Variants in FOXN3 observed in about 807,000 individuals in gnomAD.
The protein encoded by FOXN3 is forkhead box N3, also known as forkhead box protein N3.
In FOXN3, 7 loss-of-function variants were observed where a neutral mutation model predicts 38.4. That is an observed-to-expected ratio of 0.18 (90% CI 0.10 to 0.34). The LOEUF (loss-of-function observed/expected upper bound fraction) is 0.34. Among genes scored for constraint, FOXN3 ranks in the 10% least tolerant of loss-of-function variants. The pLI is 1.00. For missense variants in FOXN3, 456 were observed against 613.4 expected (o/e 0.74, Z 2.71); for synonymous variants, 230 against 242.2 (o/e 0.95, Z 0.47).
At chr14:89,551,943 C>T (rs1348518411) in intron 1 of FOXN3, among the ~76,000 whole-genome samples, 3 of 152,134 alleles carry the variant, frequency 2.0e-5, no homozygotes, top group Admixed American at 6.5e-5. Context: ...CCCCCAAAAG[C>T]TGGGAACCCA....
At chr14:89,464,589 C>T (rs1892930233) in intron 1 of FOXN3, among the ~76,000 whole-genome samples, 1 of 152,152 alleles carries the variant, frequency 6.6e-6, no homozygotes, top group Non-Finnish European at 1.5e-5. Flanking sequence ...CCACCCAAAT[C>T]TCATCTTGAA....
intron 4 of FOXN3, among the ~76,000 whole-genome samples, chr14:89,208,187 C>T (rs1888434134): frequency 6.6e-6 from 1 of 152,190 alleles, no homozygotes; most frequent in South Asian, 2.1e-4. Context: ...CCTCTTGTGG[C>T]AGGCTGGCCT....
chr14:89,379,786 G>A (rs538610697), intron 2 of FOXN3, among the ~76,000 whole-genome samples: 12 of 151,814 alleles, frequency 7.9e-5, no homozygotes, highest in East Asian at 7.8e-4. Context: ...TCAGCCTCCC[G>A]AGTAGCTGGG....
At chr14:89,505,689 G>A (rs1484667149) in intron 1 of FOXN3, among the ~76,000 whole-genome samples, 1 of 152,120 alleles carries the variant, frequency 6.6e-6, no homozygotes, top group African/African-American at 2.4e-5. Flanking sequence ...CCTCTGCCCG[G>A]CCACCACCCC....
intron 2 of FOXN3, among the ~76,000 whole-genome samples, chr14:89,402,456 G>A (rs1017370926): frequency 1.3e-5 from 2 of 152,160 alleles, no homozygotes; most frequent in African/African-American, 2.4e-5. Flanking sequence ...CTAGACCTTT[G>A]TGACAGAAAG....
intron 3 of FOXN3, among the ~76,000 whole-genome samples, chr14:89,288,716 CTCTCTCTCTATATATATA>C (rs1886748624): frequency 2.4e-3 from 122 of 51,644 alleles, no homozygotes; most frequent in African/African-American, 5.0e-3. Flanking sequence ...CTCTCTCTCT[CTCTCTCTCTATATATATA>C]TATATATATA....
chr14:89,363,552 A>C (rs1300238454), intron 2 of FOXN3, among the ~76,000 whole-genome samples: 1 of 152,180 alleles, frequency 6.6e-6, no homozygotes, highest in Non-Finnish European at 1.5e-5. Flanking sequence ...CAATCTCTTC[A>C]TCTGTATATT....
At chr14:89,414,261 C>A (rs2140099206) in intron 1 of FOXN3, among the ~76,000 whole-genome samples, 1 of 151,998 alleles carries the variant, frequency 6.6e-6, no homozygotes, top group Admixed American at 6.6e-5. Flanking sequence ...AGGCTCACTG[C>A]ACTCCAGCCT....
At chr14:89,331,091 A>G (rs1290928811) in intron 3 of FOXN3, among the ~76,000 whole-genome samples, 2 of 152,234 alleles carry the variant, frequency 1.3e-5, no homozygotes, top group Non-Finnish European at 2.9e-5. Flanking sequence ...TTAGGTGTAC[A>G]TACAGTTCAG....
At chr14:89,313,051 A>G (rs2139962198) in intron 3 of FOXN3, among the ~76,000 whole-genome samples, 1 of 152,272 alleles carries the variant, frequency 6.6e-6, no homozygotes, top group South Asian at 2.1e-4. Flanking sequence ...ACTCACAACC[A>G]AGTCCCTGTC....
intron 1 of FOXN3, among the ~76,000 whole-genome samples, chr14:89,426,277 C>T (rs545643270): frequency 4.7e-5 from 6 of 127,952 alleles, no homozygotes; most frequent in East Asian, 2.4e-4. Flanking sequence ...CAGGGTGGAG[C>T]GCAGTGGCAT....
At chr14:89,395,944 T>C (rs1214977334) in intron 2 of FOXN3, among the ~76,000 whole-genome samples, 1 of 152,138 alleles carries the variant, frequency 6.6e-6, no homozygotes, top group East Asian at 1.9e-4. Context: ...CTGGGAAATA[T>C]GCAAACTCTC....
In FOXN3 at chr14:89,308,915, G is replaced by A. The variant is rs560628025; in HGVS notation, c.681-27901C>T. Among the ~76,000 whole-genome samples the A allele has an allele frequency of 2.0e-5, 3 of 152,286 alleles. No homozygotes were observed. In the South Asian group the frequency reaches 6.2e-4, roughly 32 times the overall value. The stretch of plus-strand genomic sequence containing the variant: ...TGGAACCCAGGCAGAGGAGGACAGA[G>A]GAACAGGTATCTGAAGCCCCTGGGG... On this transcript the variant is annotated intron_variant, in intron 3 of 5. Transcript: ENST00000557258.
chr14:89,404,198 C>A (rs540109623), intron 2 of FOXN3, among the ~76,000 whole-genome samples: 1 of 152,230 alleles, frequency 6.6e-6, no homozygotes, highest in South Asian at 2.1e-4. Context: ...AAGGAACGAA[C>A]AGTCTGGAAG....
intron 1 of FOXN3, among the ~76,000 whole-genome samples, chr14:89,604,972 G>T (rs2139944799): frequency 6.6e-6 from 1 of 151,250 alleles, no homozygotes; most frequent in Non-Finnish European, 1.5e-5. Context: ...GAACAAGGGG[G>T]AAATGGACAT....
At position 89,511,225 on chromosome 14, in the gene FOXN3, TTCTTTTC is replaced by T. The variant is rs1566681137; in HGVS notation, c.-14-98742_-14-98736del. On this transcript the variant is annotated intron_variant, in intron 1 of 6. Coordinates refer to the FOXN3 transcript ENST00000345097. ...TTCTTTTCTTTCTTTCTTTCTTTCT[TTCTTTTC>T]TTTCCTTTTCTTTCTTTTCTTTCTT... is the stretch of plus-strand genomic sequence containing the variant. Among the ~76,000 whole-genome samples, 6 of 26,646 alleles carry T rather than the reference TTCTTTTC, an allele frequency of 2.3e-4. 1 individual carries two copies. Among genetic ancestry groups the T allele is most frequent in the South Asian group, 2.4e-3 (2 of 844 alleles). The allele number at this position is 26,646 out of a possible 152,430, so 17.5% of individuals were successfully genotyped here.
At chr14:89,464,107 G>C (rs1372328680) in intron 1 of FOXN3, among the ~76,000 whole-genome samples, 3 of 152,150 alleles carry the variant, frequency 2.0e-5, no homozygotes, top group Non-Finnish European at 4.4e-5. Context: ...TTAGCCCACT[G>C]TTCCCTGCCA....
At chr14:89,401,430 A>G in intron 2 of FOXN3, 1 of 360,122 alleles carries the variant, frequency 2.8e-6, no homozygotes, top group South Asian at 2.1e-5. Flanking sequence ...GTGACTCAAC[A>G]GCAACAACAA....
In FOXN3 at chr14:89,162,842, A is replaced by G; in HGVS notation, c.979T>C (p.Ser327Pro). 1.2e-5 allele frequency: 20 copies of G among 1,611,252 alleles called. No homozygotes were observed. The highest frequency in any genetic ancestry group is 1.6e-5 in the Non-Finnish European group (19 of 1,179,800). ...GAGGAGATGGAGTCGCTGGTGGGCGAGGTGCTCCGGGCGTTGGAGGACTTG... is the reference window on the plus strand; with the variant it reads ...GAGGAGATGGAGTCGCTGGTGGGCGGGGTGCTCCGGGCGTTGGAGGACTTG... Reference protein sequence around the residue: ...SAKSSNARSTSPTSDSISSSS... With the variant: ...SAKSSNARSTPPTSDSISSSS... The change falls in exon 6 of 6, where the codon TCG (serine) becomes CCG (proline). Residue 327 changes from serine to proline, a missense_variant. Around this residue, in one of 3 missense-constraint regions of FOXN3, gnomAD observed 386 missense variants for 505.2 expected, o/e 0.76. Transcript: ENST00000557258. This position sits in a 1 kb window ranked among gnomAD's most constrained non-coding sequence, Gnocchi z 7.2.
Sources: allele counts gnomAD v4.1 joint callset (sites outside exome capture counted in the v4.1 genomes callset), GRCh38; gene constraint gnomAD v4.1.1; regional missense constraint gnomAD v4.1.1; non-coding constraint Gnocchi (gnomAD v3.1); transcripts MANE v1.5; gene names NCBI Gene and HGNC (gene_info 2026-07-23, HGNC 2026-07-21).